LINGO2: variants seen among roughly 807,000 people sequenced by gnomAD.
LINGO2 encodes the protein leucine-rich repeat and immunoglobulin-like domain-containing nogo receptor-interacting protein 2.
LINGO2 carries 14 observed loss-of-function variants against 30.6 expected under a neutral mutation model. The ratio of observed to expected loss-of-function variants is 0.46; its 90% confidence interval spans 0.30 to 0.72. The LOEUF is 0.72. Among genes scored for constraint, LINGO2 ranks in the 30% least tolerant of loss-of-function variants. LINGO2 has a pLI of 0.07. For missense variants in LINGO2, 729 were observed against 751.7 expected, an observed-to-expected ratio of 0.97 and a Z score of 0.35; for synonymous variants, 317 against 288.5, an observed-to-expected ratio of 1.10 and a Z score of -1.00.
chr9:28,254,089 C>A (rs1209224271), intron 4 of LINGO2, among the ~76,000 whole-genome samples: 1 of 152,016 alleles, frequency 6.6e-6, no homozygotes, highest in Non-Finnish European at 1.5e-5. Flanking sequence ...GTGACAAGGA[C>A]CCCCGTCTTT....
chr9:28,348,172 A>G (rs866212986), intron 3 of LINGO2, among the ~76,000 whole-genome samples: 13 of 152,314 alleles, frequency 8.5e-5, no homozygotes, highest in Middle Eastern at 3.4e-3. Flanking sequence ...GAACAGCTCC[A>G]GTCTACAGCT....
chr9:28,885,108 G>T, the LINGO2 span, among the ~76,000 whole-genome samples: 1 of 142,940 alleles, frequency 7.0e-6, no homozygotes. Flanking sequence ...CCCTTTGGCT[G>T]GCCCTCCTCT....
chr9:27,942,298 C>G, the LINGO2 span: 1 of 152,140 alleles, frequency 6.6e-6, no homozygotes, highest in Non-Finnish European at 1.5e-5. Flanking sequence ...TGATACCTCA[C>G]GTTCCCTGTG....
the LINGO2 span, among the ~76,000 whole-genome samples, chr9:29,206,998 T>C: frequency 1.3e-5 from 2 of 151,996 alleles, no homozygotes; most frequent in Non-Finnish European, 2.9e-5. Flanking sequence ...TCACGAGGAC[T>C]GCTTTCATCA....
At chr9:29,105,316 C>T in the LINGO2 span, among the ~76,000 whole-genome samples, 1 of 152,124 alleles carries the variant, frequency 6.6e-6, no homozygotes, top group Non-Finnish European at 1.5e-5. Flanking sequence ...CAAGATGCAA[C>T]CAAGCACAGC....
At chr9:28,157,367 G>C (rs1220218481) in intron 4 of LINGO2, among the ~76,000 whole-genome samples, 1 of 152,208 alleles carries the variant, frequency 6.6e-6, no homozygotes, top group Admixed American at 6.5e-5. Context: ...GAGCAGCTGA[G>C]ATGTAGGGCA....
the LINGO2 span, among the ~76,000 whole-genome samples, chr9:28,791,060 AT>A: frequency 6.6e-6 from 1 of 152,184 alleles, no homozygotes; most frequent in African/African-American, 2.4e-5. Flanking sequence ...ACTTATGCAC[AT>A]TTTAAAGTCT....
At chr9:29,108,584 G>A in the LINGO2 span, among the ~76,000 whole-genome samples, 1 of 152,138 alleles carries the variant, frequency 6.6e-6, no homozygotes, top group Non-Finnish European at 1.5e-5. Context: ...TTAGTAGCTA[G>A]GCTAATTATA....
At chr9:28,965,465 A>T in the LINGO2 span, among the ~76,000 whole-genome samples, 1 of 152,072 alleles carries the variant, frequency 6.6e-6, no homozygotes, top group African/African-American at 2.4e-5. Flanking sequence ...AAATCACTGG[A>T]CAATGAGGAT....
intron 4 of LINGO2, among the ~76,000 whole-genome samples, chr9:28,171,711 A>G (rs540072994): frequency 6.6e-6 from 1 of 152,074 alleles, no homozygotes; most frequent in Non-Finnish European, 1.5e-5. Context: ...CTGAAACTCA[A>G]TAAAAACAGC....
chr9:27,997,846 T>G (rs955577508), intron 5 of LINGO2, among the ~76,000 whole-genome samples: 2 of 151,690 alleles, frequency 1.3e-5, no homozygotes, highest in African/African-American at 4.8e-5. Flanking sequence ...AAATTATTCC[T>G]TCCCAAGTCA....
downstream of LINGO2, chr9:27,948,050 T>C (rs1261625093): frequency 6.6e-6 from 1 of 152,230 alleles, no homozygotes; most frequent in Non-Finnish European, 1.5e-5. Context: ...TCCAGTGTGA[T>C]ATTATTACAA....
intron 4 of LINGO2, among the ~76,000 whole-genome samples, chr9:28,172,023 A>AAAAAC (rs1828604187): frequency 1.1e-5 from 1 of 90,938 alleles, no homozygotes; most frequent in African/African-American, 5.8e-5. Flanking sequence ...TCTCAAAAAA[A>AAAAAC]AAAAAAAAAA....
the LINGO2 span, among the ~76,000 whole-genome samples, chr9:28,749,829 A>G: frequency 2.2e-4 from 33 of 152,184 alleles, no homozygotes; most frequent in African/African-American, 7.5e-4. Context: ...TAAAGCTCAC[A>G]ACCAAATTAA....
chr9:28,817,538 G>A, the LINGO2 span, among the ~76,000 whole-genome samples: 8 of 152,250 alleles, frequency 5.3e-5, no homozygotes, highest in African/African-American at 1.9e-4. Flanking sequence ...ACCACTAGCT[G>A]AGCCCACGAC....
At chr9:28,888,528 A>AT in the LINGO2 span, among the ~76,000 whole-genome samples, 1 of 152,074 alleles carries the variant, frequency 6.6e-6, no homozygotes, top group Non-Finnish European at 1.5e-5. Context: ...ATGATTTTTA[A>AT]TTTTTTCCTT....
intron 1 of LINGO2, among the ~76,000 whole-genome samples, chr9:28,662,084 T>C (rs796989044): frequency 1.2e-4 from 19 of 152,252 alleles, no homozygotes; most frequent in African/African-American, 4.6e-4. Context: ...GCTCTGACAG[T>C]TGATTGGTGA....
chr9:28,337,365 A>G (rs965457183), intron 3 of LINGO2, among the ~76,000 whole-genome samples: 1 of 152,182 alleles, frequency 6.6e-6, no homozygotes, highest in Admixed American at 6.5e-5. Context: ...CAAATCATTC[A>G]ACAGGAAGCA....
At chr9:27,999,624 C>A (rs989548223) in intron 5 of LINGO2, among the ~76,000 whole-genome samples, 1 of 152,206 alleles carries the variant, frequency 6.6e-6, no homozygotes, top group African/African-American at 2.4e-5. Flanking sequence ...GAAGAGACTG[C>A]CACCAGGTTT....
Sources: allele counts gnomAD v4.1 joint callset (sites outside exome capture counted in the v4.1 genomes callset), GRCh38; gene constraint gnomAD v4.1.1; transcripts MANE v1.5; gene names NCBI Gene and HGNC (gene_info 2026-07-23, HGNC 2026-07-21).